The following C4orf36 variants were observed in gnomAD, a reference collection of about 807,000 sequenced individuals.
The protein encoded by C4orf36 is chromosome 4 open reading frame 36.
A neutral mutation model predicts 12.2 loss-of-function variants in C4orf36; 11 were observed. The observed-to-expected ratio is 0.90, with a 90% CI of 0.57 to 1.49. The LOEUF is 1.49. Among genes scored for constraint, C4orf36 ranks in the 40% most tolerant of loss-of-function variants. The pLI is 0.00. For missense variants in C4orf36, 137 were observed against 133.9 expected (o/e 1.02, Z -0.11); for synonymous variants, 54 against 51.3 (o/e 1.05, Z -0.22).
intron 4 of C4orf36, among the ~76,000 whole-genome samples, chr4:86,880,994 C>G (rs1747039753): frequency 6.7e-6 from 1 of 149,486 alleles, no homozygotes; most frequent in Non-Finnish European, 1.5e-5. Context: ...GATCACACCA[C>G]TCGACTCCAG....
At chr4:86,892,810 G>C (rs1446487319), upstream of C4orf36, among the ~76,000 whole-genome samples, 1 of 152,254 alleles carries the variant, frequency 6.6e-6, no homozygotes, top group Non-Finnish European at 1.5e-5. Context: ...TTCGTGTTCA[G>C]AGCAAGACAG....
intron 4 of C4orf36, among the ~76,000 whole-genome samples, chr4:86,885,383 G>A (rs556132981): frequency 1.6e-4 from 24 of 152,268 alleles, no homozygotes; most frequent in African/African-American, 5.5e-4. Flanking sequence ...TTGAGCAGTG[G>A]TTTGTAGTTC....
At chr4:86,907,453 A>C in the C4orf36 span, among the ~76,000 whole-genome samples, 3 of 152,212 alleles carry the variant, frequency 2.0e-5, no homozygotes, top group Admixed American at 6.5e-5. Flanking sequence ...AACCCCCATG[A>C]CACATGTAAC....
chr4:86,919,942 T>C, the C4orf36 span, among the ~76,000 whole-genome samples: 2 of 152,094 alleles, frequency 1.3e-5, no homozygotes, highest in East Asian at 1.9e-4. Context: ...GCTGGGAGAA[T>C]TGCTTAAGCC....
At chr4:86,890,392 A>G (rs1252459782) in intron 2 of C4orf36, among the ~76,000 whole-genome samples, 2 of 152,066 alleles carry the variant, frequency 1.3e-5, no homozygotes, top group Admixed American at 6.6e-5. Context: ...GCAAAGTTCA[A>G]TATGATTCCA....
At chr4:86,906,444 T>C in the C4orf36 span, among the ~76,000 whole-genome samples, 24 of 152,244 alleles carry the variant, frequency 1.6e-4, no homozygotes, top group African/African-American at 5.5e-4. Context: ...ATCAGCTTTT[T>C]AGGCCAGGCA....
chr4:86,880,574 G>T (rs1324783458), intron 4 of C4orf36, among the ~76,000 whole-genome samples: 9 of 152,108 alleles, frequency 5.9e-5, no homozygotes, highest in Non-Finnish European at 1.2e-4. Flanking sequence ...AAATTAAAAA[G>T]AAATTAAAAC....
chr4:86,901,645 T>C, the C4orf36 span, among the ~76,000 whole-genome samples: 1 of 150,112 alleles, frequency 6.7e-6, no homozygotes, highest in South Asian at 2.1e-4. Flanking sequence ...TTTCCTGACC[T>C]CGTGATCTGC....
chr4:86,932,170 A>G, the C4orf36 span: 1 of 152,048 alleles, frequency 6.6e-6, no homozygotes, highest in Non-Finnish European at 1.5e-5. Flanking sequence ...AACATGGAGA[A>G]ACACCCGTCT....
intron 4 of C4orf36, chr4:86,887,146 G>A (rs1747207278): frequency 6.6e-6 from 1 of 152,108 alleles, no homozygotes; most frequent in African/African-American, 2.4e-5. Context: ...ATAGCATTAG[G>A]AGATATACCT....
chr4:86,912,319 C>T, the C4orf36 span, among the ~76,000 whole-genome samples: 7 of 152,212 alleles, frequency 4.6e-5, no homozygotes, highest in Admixed American at 3.9e-4. Context: ...CTGTGCCCAG[C>T]CGATTGTCTC....
chr4:86,935,094 G>A, the C4orf36 span: 1 of 152,192 alleles, frequency 6.6e-6, no homozygotes, highest in African/African-American at 2.4e-5. Context: ...CTGCACCTTT[G>A]CCTCCGCGGT....
chr4:86,887,484 A>C (rs13120839), intron 4 of C4orf36: 51,831 of 307,316 alleles, frequency 0.17, 5,163 homozygotes, highest in Non-Finnish European at 0.2. Flanking sequence ...TTTTAGTGCA[A>C]TTTTACAAAA....
chr4:86,881,116 T>C (rs1053688849), intron 4 of C4orf36, among the ~76,000 whole-genome samples: 2 of 132,548 alleles, frequency 1.5e-5, no homozygotes, highest in African/African-American at 5.7e-5. Context: ...TGTAGATCAC[T>C]TTTAAGTTTG....
At chr4:86,916,251 T>C in the C4orf36 span, among the ~76,000 whole-genome samples, 1 of 150,898 alleles carries the variant, frequency 6.6e-6, no homozygotes, top group Non-Finnish European at 1.5e-5. Context: ...ATGCACCTCT[T>C]GGAAAGGACA....
intron 3 of C4orf36, 25 bp from the exon 4 acceptor site, chr4:86,887,918 A>G: frequency 6.2e-7 from 1 of 1,613,416 alleles, no homozygotes; most frequent in Non-Finnish European, 8.5e-7. Flanking sequence ...ACACAAAACA[A>G]TCTGACATAC....
At chr4:86,887,971 A>G in intron 3 of C4orf36, 78 bp from the exon 4 acceptor site, 3 of 1,579,738 alleles carry the variant, frequency 1.9e-6, no homozygotes, top group East Asian at 2.2e-5. Context: ...AATATCATAC[A>G]GCAAAATCCA....
At chr4:86,934,023 G>A in the C4orf36 span, among the ~76,000 whole-genome samples, 1 of 152,342 alleles carries the variant, frequency 6.6e-6, no homozygotes, top group South Asian at 2.1e-4. Flanking sequence ...GTTGAGCAGA[G>A]CAGTAGAGAC....
intron 2 of C4orf36, among the ~76,000 whole-genome samples, chr4:86,889,054 C>A (rs1351845053): frequency 1.3e-5 from 2 of 151,842 alleles, no homozygotes; most frequent in Admixed American, 6.6e-5. Flanking sequence ...AACAAACAAA[C>A]AAAAAAACAT....
Sources: allele counts gnomAD v4.1 joint callset (sites outside exome capture counted in the v4.1 genomes callset), GRCh38; gene constraint gnomAD v4.1.1; transcripts MANE v1.5; gene names NCBI Gene and HGNC (gene_info 2026-07-23, HGNC 2026-07-21).